Variants in SPRTN observed in about 807,000 individuals in gnomAD.
SPRTN encodes SprT-like N-terminal domain.
In SPRTN, 11 loss-of-function variants were observed where a neutral mutation model predicts 31.9. The observed-to-expected ratio is 0.34, with a 90% CI of 0.22 to 0.57. The LOEUF (loss-of-function observed/expected upper bound fraction) is 0.57, where lower values mean the gene tolerates loss of function less well. SPRTN is among the 20% of genes least tolerant of loss of function. SPRTN has a pLI of 0.86. For missense variants in SPRTN, 482 were observed against 590.1 expected, an observed-to-expected ratio of 0.82 and a Z score of 1.90; for synonymous variants, 185 against 212.1, an observed-to-expected ratio of 0.87 and a Z score of 1.11.
chr1:231,341,715 G>A lies in SPRTN; in HGVS notation c.321+1847G>A, dbSNP rs566258256. On this transcript the variant is annotated intron_variant, in intron 2 of 4. Transcript: ENST00000295050. ...AAGAATATACAATCAGGCTGGGTGC[G>A]GTGGCTCACGCCCATAATCCCAGCA... 1.4e-4 allele frequency among the ~76,000 whole-genome samples: 21 copies of A among 152,238 alleles called. No homozygotes were observed. The East Asian group carries it at 4.1e-3, about 29-fold the overall frequency.
intron 2 of SPRTN, among the ~76,000 whole-genome samples, chr1:231,342,791 A>G (rs1305594435): frequency 1.3e-5 from 2 of 150,764 alleles, no homozygotes; most frequent in East Asian, 3.9e-4. Context: ...GCTGGAGTAC[A>G]GTGGCGCATC....
In SPRTN at chr1:231,354,403, T is replaced by A. The variant is rs1039369743; in HGVS notation, c.*1042T>A. 5.1e-6 allele frequency: 5 copies of A among 984,874 alleles called. No individual in the cohort carries two copies. Among genetic ancestry groups the A allele is most frequent in the Non-Finnish European group, 6.0e-6 (5 of 829,522 alleles). The allele number at this position is 984,874 out of a possible 1,614,324, so 61.0% of individuals were successfully genotyped here. ...TCTTTTTTCTTGTTGCAATTTTCCT[T>A]CACTTTGTTGTAATACAGGTGCACA... On this transcript the variant is annotated 3_prime_UTR_variant, in exon 5 of 5. Transcript: ENST00000295050.
chr1:231,349,538 A>G (rs2102871617), intron 3 of SPRTN, among the ~76,000 whole-genome samples: 1 of 152,246 alleles, frequency 6.6e-6, no homozygotes, highest in South Asian at 2.1e-4. Flanking sequence ...TTTATCTTAG[A>G]TATCTGTGTG....
Position 231,339,888 on chromosome 1 carries a change from G to A in SPRTN, c.321+20G>A, listed in dbSNP as rs1686812606. 9 of 1,604,082 alleles carry A rather than the reference G, an allele frequency of 5.6e-6. No individual in the cohort carries two copies. The highest frequency in any genetic ancestry group is 6.8e-6 in the Non-Finnish European group (8 of 1,170,958). On this transcript the variant is annotated intron_variant, in intron 2 of 4. Transcript: ENST00000295050. ...GTAGAGGTATTTTTCGTGTAAACTTGCTTCCTAGCGCAGTAATTTACAAAT... is the reference window on the plus strand; with the variant it reads ...GTAGAGGTATTTTTCGTGTAAACTTACTTCCTAGCGCAGTAATTTACAAAT...
chr1:231,351,178 A>G (rs1400868719), intron 3 of SPRTN, 126 bp from the exon 4 acceptor site: 5 of 1,169,758 alleles, frequency 4.3e-6, no homozygotes, highest in Non-Finnish European at 5.4e-6. Flanking sequence ...AGAACTTTTC[A>G]GAAAGCTCTG....
chr1:231,338,701 CA>C lies in SPRTN; in HGVS notation c.221+98del, dbSNP rs113744289. 19 of 1,437,394 alleles carry C rather than the reference CA, an allele frequency of 1.3e-5. No individual in the cohort carries two copies. The African/African-American group carries it at 1.7e-4, about 13-fold the overall frequency. The allele number at this position is 1,437,394 out of a possible 1,614,324, so 89.0% of individuals were successfully genotyped here. ...TCTCCTTTCTCTAGTCCGACGGTCC[CA>C]GGGGGCGTTAAATGAGGGGAGTCTG... On this transcript the variant is annotated intron_variant, in intron 1 of 4. Coordinates refer to ENST00000295050, the MANE Select transcript of SPRTN (RefSeq NM_032018.7).
At chr1:231,338,695 C>T (rs1571987279) in intron 1 of SPRTN, 91 bp downstream of exon 1, 5 of 1,487,766 alleles carry the variant, frequency 3.4e-6, no homozygotes, top group Admixed American at 3.5e-5. Context: ...TCTAGTCCGA[C>T]GGTCCCAGGG....
chr1:231,352,834 C>T lies in SPRTN; in HGVS notation c.943C>T (p.Leu315=). The change falls in exon 5 of 5, where the codon CTG becomes TTG. Residue 315 remains leucine (L), a synonymous_variant. Transcript: ENST00000295050. ...GAATGGTTCAAGTAAAAATTCTCAT[C>T]TGGTCTCCCCTGCTGTTAGTAACAG... is the stretch of plus-strand genomic sequence containing the variant. ...EQNGSSKNSH[L]VSPAVSNSHQ... is the part of the protein sequence containing the mutation. 6.2e-7 allele frequency: 1 copy of T among 1,613,770 alleles called. No individual in the cohort carries two copies. Among genetic ancestry groups the T allele is most frequent in the Non-Finnish European group, 8.5e-7 (1 of 1,179,874 alleles).
In SPRTN at chr1:231,353,570, G is replaced by C; in HGVS notation, c.*209G>C. On this transcript the variant is annotated 3_prime_UTR_variant, in exon 5 of 5. Transcript: ENST00000295050. ...GGGTGCTACATTCACTCTTGCCTTA[G>C]GTATACTGTAACCCAGGTTCTGCCT... is the stretch of plus-strand genomic sequence containing the variant. 8.1e-7 allele frequency: 1 copy of C among 1,240,196 alleles called. No homozygotes were observed. The highest frequency in any genetic ancestry group is 1.0e-6 in the Non-Finnish European group (1 of 991,154). 76.8% of individuals were successfully genotyped at this position (1,240,196 alleles called of 1,614,324 possible). A position where few individuals can be genotyped will look rare whatever the true frequency, so the allele number is the denominator to read the frequency against.
At chr1:231,350,445 A>C (rs1471647403) in intron 3 of SPRTN, among the ~76,000 whole-genome samples, 1 of 151,650 alleles carries the variant, frequency 6.6e-6, no homozygotes. Context: ...GGGAGGGCTG[A>C]CCCTCTTTTC....
At position 231,338,406 on chromosome 1, in the gene SPRTN, C is replaced by T. The variant is rs1263898447; in HGVS notation, c.23C>T (p.Ala8Val). The stretch of plus-strand genomic sequence containing the variant: ...ACGATGGATGATGACTTGATGTTGG[C>T]ACTGCGGCTTCAGGAGGAGTGGAAC... MDDDLML[A>V]LRLQEEWNLQ... is the part of the protein sequence containing the mutation. Residue 8 changes from alanine (A) to valine (V), a missense_variant, in exon 1 of 5, where the codon GCA (alanine) becomes GTA (valine). By Grantham distance (64) the Ala-to-Val change is moderately conservative (BLOSUM62 0). Around this residue, in one of 2 missense-constraint regions of SPRTN, gnomAD observed 157 missense variants for 239.9 expected, o/e 0.65. Transcript: ENST00000295050. 3.7e-6 allele frequency: 6 copies of T among 1,614,148 alleles called. No homozygotes were observed. In the African/African-American group the frequency reaches 8.0e-5, roughly 22 times the overall value.
chr1:231,339,430 G>A (rs1473272286), intron 1 of SPRTN: 2 of 509,280 alleles, frequency 3.9e-6, no homozygotes, highest in Admixed American at 3.2e-5. Context: ...GCTGCAGTTG[G>A]GCCATGTGGT....
At chr1:231,349,846 C>CA (rs983071396) in intron 3 of SPRTN, among the ~76,000 whole-genome samples, 6 of 151,690 alleles carry the variant, frequency 4.0e-5, no homozygotes, top group Admixed American at 1.3e-4. Context: ...CTTGTTTCCA[C>CA]AAAAAAAATT....
chr1:231,346,183 C>CTTTTTTT (rs71583771), intron 2 of SPRTN, among the ~76,000 whole-genome samples: 24 of 89,066 alleles, frequency 2.7e-4, no homozygotes, highest in African/African-American at 3.8e-4. Context: ...CTTTTCTTTT[C>CTTTTTTT]TTTTTTTTTT....
intron 3 of SPRTN, among the ~76,000 whole-genome samples, chr1:231,350,820 G>A (rs1456710864): frequency 1.0e-5 from 1 of 100,232 alleles, no homozygotes; most frequent in Non-Finnish European, 2.5e-5. Context: ...TACTTGTGTT[G>A]TTAGCGTCAG....
At chr1:231,343,626 T>C (rs975370397) in intron 2 of SPRTN, among the ~76,000 whole-genome samples, 1 of 152,108 alleles carries the variant, frequency 6.6e-6, no homozygotes, top group Admixed American at 6.6e-5. Context: ...AAACGTCGTC[T>C]TTACCACAGC....
In SPRTN at chr1:231,353,352, A is replaced by G; in HGVS notation, c.1461A>G (p.Glu487=). 6.3e-7 allele frequency: 1 copy of G among 1,578,106 alleles called. No homozygotes were observed. The change falls in exon 5 of 5, where the codon GAA becomes GAG. Residue 487 remains glutamate, a synonymous_variant. Transcript: ENST00000295050. Reference sequence around the variant, plus strand: ...ACAGCATCAAAGTCAAAAGCGAAGAAAGTCTTTGAAAAAGGTTTCAAAGTC... The same window carrying G: ...ACAGCATCAAAGTCAAAAGCGAAGAGAGTCTTTGAAAAAGGTTTCAAAGTC... ...EGDSIKVKSE[E]SL is the part of the protein sequence containing the mutation.
At chr1:231,350,444 G>A (rs1687190717) in intron 3 of SPRTN, among the ~76,000 whole-genome samples, 1 of 151,942 alleles carries the variant, frequency 6.6e-6, no homozygotes, top group Non-Finnish European at 1.5e-5. Flanking sequence ...TGGGAGGGCT[G>A]ACCCTCTTTT....
At chr1:231,349,276 C>T (rs942179670) in intron 3 of SPRTN, among the ~76,000 whole-genome samples, 4 of 152,118 alleles carry the variant, frequency 2.6e-5, no homozygotes, top group Admixed American at 2.6e-4. Flanking sequence ...CCATGCCTGG[C>T]CTCTCCATGT....
Sources: allele counts gnomAD v4.1 joint callset (sites outside exome capture counted in the v4.1 genomes callset), GRCh38; gene constraint gnomAD v4.1.1; regional missense constraint gnomAD v4.1.1; transcripts MANE v1.5; gene names NCBI Gene and HGNC (gene_info 2026-07-23, HGNC 2026-07-21).